The following STARD9 variants were observed in gnomAD, a reference collection of about 807,000 sequenced individuals.
STARD9 encodes the protein StAR related lipid transfer domain containing 9.
Under a neutral mutation model 399.8 loss-of-function variants are expected in STARD9, and 346 were observed. The ratio of observed to expected loss-of-function variants is 0.87; its 90% CI spans 0.79 to 0.95. STARD9 has a LOEUF of 0.95. Ranked by LOEUF, STARD9 falls within the 40% of genes least tolerant of loss-of-function variation. STARD9 has a pLI of 0.00. For synonymous variants in STARD9, 2,203 were observed against 2,143.5 expected, an observed-to-expected ratio of 1.03 and a Z score of -0.77; for missense variants, 5,832 against 5,667.5, an observed-to-expected ratio of 1.03 and a Z score of -0.93.
intron 3 of STARD9, among the ~76,000 whole-genome samples, chr15:42,608,712 T>C (rs1030652633): frequency 6.6e-6 from 1 of 152,196 alleles, no homozygotes; most frequent in Non-Finnish European, 1.5e-5. Flanking sequence ...CAAAAGGTGA[T>C]AAAGAGCTCT....
chr15:42,710,086 G>A (rs1028979040), intron 26 of STARD9, among the ~76,000 whole-genome samples: 8 of 145,878 alleles, frequency 5.5e-5, no homozygotes, highest in Non-Finnish European at 9.0e-5. Context: ...TTGAGACAGG[G>A]TCTTGCCGTG....
chr15:42,594,750 G>C (rs2058470905), intron 3 of STARD9, among the ~76,000 whole-genome samples: 3 of 152,118 alleles, frequency 2.0e-5, no homozygotes, highest in Non-Finnish European at 4.4e-5. Context: ...AATGGTCCTA[G>C]CATAACAGGT....
intron 9 of STARD9, among the ~76,000 whole-genome samples, chr15:42,660,891 A>G (rs1254169958): frequency 6.6e-6 from 1 of 151,802 alleles, no homozygotes; most frequent in African/African-American, 2.4e-5. Context: ...AGTTGTGCTC[A>G]GCAAACTTCA....
At chr15:42,587,262 A>G (rs1053178264) in intron 3 of STARD9, among the ~76,000 whole-genome samples, 9 of 152,224 alleles carry the variant, frequency 5.9e-5, no homozygotes, top group South Asian at 2.1e-4. Flanking sequence ...AGATGATTGA[A>G]TATTTCTAAA....
At chr15:42,713,839 A>G (rs984684054) in intron 26 of STARD9, among the ~76,000 whole-genome samples, 1 of 152,080 alleles carries the variant, frequency 6.6e-6, no homozygotes, top group East Asian at 1.9e-4. Flanking sequence ...ATATTACTCT[A>G]TAGTTTACTT....
intron 26 of STARD9, among the ~76,000 whole-genome samples, chr15:42,712,700 C>G (rs2061269828): frequency 6.6e-6 from 1 of 152,180 alleles, no homozygotes; most frequent in Non-Finnish European, 1.5e-5. Flanking sequence ...GCCAGTACCA[C>G]ACTTTTTGTG....
chr15:42,594,687 G>A (rs1194516030), intron 3 of STARD9, among the ~76,000 whole-genome samples: 1 of 152,098 alleles, frequency 6.6e-6, no homozygotes, highest in East Asian at 1.9e-4. Flanking sequence ...TTCTTGATGT[G>A]GCTGGGAAAT....
Position 42,693,757 on chromosome 15 carries a change from G to C in STARD9, c.12179G>C (p.Gly4060Ala). Reference protein sequence around the residue: ...SQWQSRTENGGESSASPGEPQ... With the variant: ...SQWQSRTENGAESSASPGEPQ... ...TGGCAGAGCAGGACAGAAAATGGAG[G>C]TGAGAGTTCAGCATCTCCAGGGGAA... Residue 4060 changes from glycine (G) to alanine (A), a missense_variant, in exon 23 of 33, where the codon GGT (glycine) becomes GCT (alanine). By Grantham distance (60) the Gly-to-Ala change is moderately conservative (BLOSUM62 0). Coordinates refer to ENST00000290607, the MANE Select transcript of STARD9 (RefSeq NM_020759.3). 6.5e-7 allele frequency: 1 copy of C among 1,536,604 alleles called. No individual in the cohort carries two copies. Among genetic ancestry groups the C allele is most frequent in the Non-Finnish European group, 8.7e-7 (1 of 1,146,808 alleles).
rs548210681 is a variant in STARD9 at position 42,631,272 on chromosome 15, T to C, written c.235-3584T>C. On this transcript the variant is annotated intron_variant, in intron 3 of 32. Transcript: ENST00000290607. ...ACTGTATCCCATTTGTTTCTTCTGT[T>C]TCCGTATCCATTTGTTTCAAGAAAT... Among the ~76,000 whole-genome samples, 11 of 152,292 alleles carry C rather than the reference T, an allele frequency of 7.2e-5. No individual in the cohort carries two copies. The South Asian group carries it at 2.3e-3, about 32-fold the overall frequency.
At chr15:42,707,502 C>T (rs1481888600) in intron 26 of STARD9, among the ~76,000 whole-genome samples, 8 of 143,160 alleles carry the variant, frequency 5.6e-5, no homozygotes, top group Non-Finnish European at 1.0e-4. Flanking sequence ...CAGAGTCTTG[C>T]TGTGTCGCCA....
rs114877303 is a variant in STARD9, at chr15:42,689,945, A to G, written c.8367A>G (p.Leu2789=). Residue 2789 remains leucine (L), a synonymous_variant, in exon 23 of 33, where the codon CTA becomes CTG. Transcript: ENST00000290607. ...SSPEHQEPRT[L]DTTYGEVSDN... ...CAGAGCATCAGGAACCCAGAACTCT[A>G]GACACCACATATGGAGAAGTTTCAG... 2.0e-4 allele frequency: 305 copies of G among 1,537,716 alleles called. 1 individual carries two copies. In the African/African-American group the frequency reaches 3.6e-3, roughly 18 times the overall value.
chr15:42,627,379 C>A (rs1303004715), intron 3 of STARD9, among the ~76,000 whole-genome samples: 1 of 152,144 alleles, frequency 6.6e-6, no homozygotes, highest in Admixed American at 6.6e-5. Context: ...GCATACAATG[C>A]GTAGTACTCA....
At chr15:42,611,751 G>T (rs2058854464) in intron 3 of STARD9, among the ~76,000 whole-genome samples, 1 of 152,134 alleles carries the variant, frequency 6.6e-6, no homozygotes, top group South Asian at 2.1e-4. Context: ...CAAGGACGAG[G>T]GGTGATTAGG....
At chr15:42,655,247 A>G (rs760241500) in intron 9 of STARD9, among the ~76,000 whole-genome samples, 1 of 152,188 alleles carries the variant, frequency 6.6e-6, no homozygotes, top group Non-Finnish European at 1.5e-5. Context: ...ACACCGCTGC[A>G]CTCCAGCCTG....
chr15:42,641,613 T>G (rs2059539803), intron 7 of STARD9, among the ~76,000 whole-genome samples: 1 of 151,596 alleles, frequency 6.6e-6, no homozygotes, highest in African/African-American at 2.4e-5. Context: ...TCTTTTCTTT[T>G]TTTTTTTTGA....
intron 19 of STARD9, 24 bp from the exon 20 acceptor site, chr15:42,675,848 A>G: frequency 3.9e-6 from 6 of 1,536,548 alleles, no homozygotes; most frequent in Non-Finnish European, 5.2e-6. Context: ...CAGCAGCCTC[A>G]CTGTGCTTTC....
intron 26 of STARD9, among the ~76,000 whole-genome samples, chr15:42,704,358 C>G (rs926941424): frequency 7.6e-4 from 115 of 152,202 alleles, no homozygotes; most frequent in African/African-American, 2.7e-3. Flanking sequence ...CAGGATGGAT[C>G]ACTGGCACCT....
intron 6 of STARD9, 101 bp downstream of exon 6, chr15:42,638,188 G>A (rs2059455951): frequency 5.7e-6 from 6 of 1,050,234 alleles, no homozygotes; most frequent in Middle Eastern, 3.0e-4. Context: ...TCACCACAGG[G>A]ATGGAGAAAA....
At chr15:42,612,925 A>G (rs1339881357) in intron 3 of STARD9, among the ~76,000 whole-genome samples, 1 of 150,172 alleles carries the variant, frequency 6.7e-6, no homozygotes, top group African/African-American at 2.4e-5. Flanking sequence ...TGGAGGTTGC[A>G]GTCAGCCAAG....
Sources: gnomAD v4.1 joint callset for allele counts (sites outside exome capture counted in the v4.1 genomes callset) on GRCh38, gnomAD v4.1.1 for gene constraint, MANE v1.5 for transcripts, NCBI Gene and HGNC (gene_info 2026-07-23, HGNC 2026-07-21) for gene names.